The following CDH18 variants were observed in gnomAD, a reference collection of about 807,000 sequenced individuals.
CDH18 encodes the protein cadherin 18.
CDH18 carries 31 observed loss-of-function variants against 67.9 expected under a neutral mutation model. That is an observed-to-expected ratio of 0.46 (90% CI 0.34 to 0.62). The LOEUF (loss-of-function observed/expected upper bound fraction) is 0.62, where lower values mean the gene tolerates loss of function less well. Ranked by LOEUF, CDH18 falls within the 20% of genes least tolerant of loss-of-function variation. The probability of loss-of-function intolerance (pLI) is 0.01; values close to 1 mark genes in which losing one functional copy is unlikely to be tolerated. For missense variants in CDH18, 890 were observed against 975.5 expected (o/e 0.91, Z 1.17); for synonymous variants, 362 against 347.2 (o/e 1.04, Z -0.48).
At chr5:19,999,947 G>A (rs577000012) in intron 2 of CDH18, among the ~76,000 whole-genome samples, 6 of 152,108 alleles carry the variant, frequency 3.9e-5, no homozygotes, top group Non-Finnish European at 7.3e-5. Context: ...TCCATCTCAA[G>A]TTCTTTCAGA....
At chr5:20,144,305 C>A (rs1379444355) in intron 2 of CDH18, among the ~76,000 whole-genome samples, 1 of 151,864 alleles carries the variant, frequency 6.6e-6, no homozygotes, top group East Asian at 1.9e-4. Context: ...GATTAGCAAG[C>A]CAAGGATAAT....
chr5:19,593,707 C>CCTCCTTCTTCTTCTTCTT lies in CDH18; in HGVS notation c.812-2464_812-2463insAAGAAGAAGAAGAAGGAG. Among the ~76,000 whole-genome samples, 308 of 33,342 alleles carry CCTCCTTCTTCTTCTTCTT rather than the reference C, an allele frequency of 9.2e-3. 4 individuals are homozygous for CCTCCTTCTTCTTCTTCTT. Among genetic ancestry groups the CCTCCTTCTTCTTCTTCTT allele is most frequent in the African/African-American group, 0.019 (163 of 8,596 alleles). The allele number at this position is 33,342 out of a possible 152,430, so 21.9% of individuals were successfully genotyped here. A position where few individuals can be genotyped will look rare whatever the true frequency, so the allele number is the denominator to read the frequency against. ...TCCTTCTCTTCCTCTTCCTCCTCCT[C>CCTCCTTCTTCTTCTTCTT]CTTCTTCTTCTTCTTCTTCTTCTTC... On this transcript the variant is annotated intron_variant, in intron 6 of 12. Coordinates refer to ENST00000382275, the MANE Select transcript of CDH18 (RefSeq NM_004934.5).
intron 2 of CDH18, among the ~76,000 whole-genome samples, chr5:19,944,617 A>G (rs1795124871): frequency 6.6e-6 from 1 of 152,172 alleles, no homozygotes; most frequent in Admixed American, 6.6e-5. Context: ...ATCATTGTTG[A>G]AAATGAGCTA....
intron 5 of CDH18, among the ~76,000 whole-genome samples, chr5:19,670,740 A>G (rs574310065): frequency 6.6e-6 from 1 of 152,228 alleles, no homozygotes; most frequent in Admixed American, 6.6e-5. Context: ...GACAAGATCA[A>G]CTGGGGAACA....
intron 2 of CDH18, among the ~76,000 whole-genome samples, chr5:19,849,241 A>G (rs919680151): frequency 2.6e-5 from 4 of 152,058 alleles, no homozygotes; most frequent in Non-Finnish European, 5.9e-5. Flanking sequence ...TCAGCAGGAT[A>G]CCTTGCAAAG....
At chr5:20,536,600 G>A (rs1157987943) in intron 1 of CDH18, among the ~76,000 whole-genome samples, 1 of 152,080 alleles carries the variant, frequency 6.6e-6, no homozygotes, top group South Asian at 2.1e-4. Flanking sequence ...TATAATGGTG[G>A]TTTAAGCAGG....
intron 4 of CDH18, among the ~76,000 whole-genome samples, chr5:19,735,908 T>A (rs562936239): frequency 2.0e-5 from 3 of 152,302 alleles, no homozygotes; most frequent in Non-Finnish European, 4.4e-5. Context: ...CCCCACCCAA[T>A]AATTTTTCAT....
intron 1 of CDH18, among the ~76,000 whole-genome samples, chr5:20,564,497 G>C (rs1459162206): frequency 1.3e-5 from 2 of 151,912 alleles, no homozygotes; most frequent in Admixed American, 1.3e-4. Context: ...GGTTGGGCCA[G>C]GCTGGTCTTG....
At chr5:19,847,074 A>C (rs910725849) in intron 2 of CDH18, among the ~76,000 whole-genome samples, 1 of 151,800 alleles carries the variant, frequency 6.6e-6, no homozygotes, top group Non-Finnish European at 1.5e-5. Context: ...CTTATCTTTG[A>C]CTTTTAGTAG....
chr5:20,328,508 T>TGAGA (rs1186669088), intron 1 of CDH18, among the ~76,000 whole-genome samples: 4 of 112,004 alleles, frequency 3.6e-5, no homozygotes, highest in East Asian at 2.5e-4. Context: ...TGTGTGTGTG[T>TGAGA]GAGAGAGAGA....
chr5:19,969,875 A>G (rs1797856413), intron 2 of CDH18, among the ~76,000 whole-genome samples: 2 of 152,200 alleles, frequency 1.3e-5, no homozygotes, highest in South Asian at 2.1e-4. Context: ...TGTCCTAAAG[A>G]GTTTATAAAT....
chr5:19,508,196 T>C (rs1744534433), intron 10 of CDH18, among the ~76,000 whole-genome samples: 1 of 152,148 alleles, frequency 6.6e-6, no homozygotes, highest in Non-Finnish European at 1.5e-5. Flanking sequence ...CATCATGTAA[T>C]AGAATTTGCA....
chr5:20,472,023 C>T (rs1192194141), intron 1 of CDH18, among the ~76,000 whole-genome samples: 1 of 2,294 alleles, frequency 4.4e-4, no homozygotes, highest in East Asian at 0.014. Context: ...AGATGTTATT[C>T]CAGCCACTGT....
At chr5:19,745,570 T>C (rs867737180) in intron 4 of CDH18, among the ~76,000 whole-genome samples, 1 of 152,202 alleles carries the variant, frequency 6.6e-6, no homozygotes, top group Non-Finnish European at 1.5e-5. Flanking sequence ...GAGAGAATTC[T>C]GTCCTTGAGT....
chr5:19,588,205 C>T (rs555714677), intron 7 of CDH18, among the ~76,000 whole-genome samples: 24 of 152,118 alleles, frequency 1.6e-4, no homozygotes, highest in South Asian at 8.3e-4. Context: ...AGGAAGTTTC[C>T]GAGATATAGG....
At chr5:19,808,097 G>A (rs1778218665) in intron 3 of CDH18, among the ~76,000 whole-genome samples, 1 of 152,028 alleles carries the variant, frequency 6.6e-6, no homozygotes, top group African/African-American at 2.4e-5. Context: ...CCATGACTAA[G>A]TTAGTATACT....
rs112564225 is a variant in CDH18, at chr5:19,828,022, T to C, written c.228+10737A>G. ...GAGAAAAGATCCATATAAACACAAT[T>C]AGAAATTACAAAGGGTACATTACCA... On this transcript the variant is annotated intron_variant, in intron 3 of 12. Coordinates refer to ENST00000382275, the MANE Select transcript of CDH18 (RefSeq NM_004934.5). Among the ~76,000 whole-genome samples, 482 of 151,988 alleles carry C rather than the reference T, an allele frequency of 3.2e-3. 2 individuals carry two copies. Among genetic ancestry groups the C allele is most frequent in the African/African-American group, 9.4e-3 (390 of 41,476 alleles).
In CDH18 at chr5:20,425,998, ATATTT is replaced by A; in HGVS notation, c.-580+149459_-580+149463del. Among the ~76,000 whole-genome samples the A allele has an allele frequency of 1.3e-5, 2 of 151,316 alleles. 1 individual carries two copies. The highest frequency in any genetic ancestry group is 1.3e-4 in the Admixed American group (2 of 15,268). The stretch of plus-strand genomic sequence containing the variant: ...AAAATCCAAATTGGATACAATTATA[ATATTT>A]TATGCCGATTTTTTAAATCAATACC... On this transcript the variant is annotated intron_variant, in intron 1 of 14. Coordinates refer to the CDH18 transcript ENST00000507958.
chr5:19,912,565 T>C (rs1391768648), intron 2 of CDH18, among the ~76,000 whole-genome samples: 1 of 152,206 alleles, frequency 6.6e-6, no homozygotes, highest in African/African-American at 2.4e-5. Context: ...ATCCCATGAA[T>C]GTTATTCCAT....
Sources: allele counts gnomAD v4.1 joint callset (sites outside exome capture counted in the v4.1 genomes callset), GRCh38; gene constraint gnomAD v4.1.1; transcripts MANE v1.5; gene names NCBI Gene and HGNC (gene_info 2026-07-23, HGNC 2026-07-21).